The following ARMH3 variants were observed in gnomAD, a reference collection of about 807,000 sequenced individuals.
The protein encoded by ARMH3 is armadillo-like helical domain-containing protein 3.
Under a neutral mutation model 99.1 loss-of-function variants are expected in ARMH3, and 60 were observed. The observed-to-expected ratio is 0.61, with a 90% CI of 0.49 to 0.75. The LOEUF is 0.75. Ranked by LOEUF, ARMH3 falls within the 30% of genes least tolerant of loss-of-function variation. ARMH3 has a pLI of 0.00. For synonymous variants in ARMH3, 285 were observed against 292.8 expected (o/e 0.97, Z 0.27); for missense variants, 679 against 843.1 (o/e 0.81, Z 2.41).
At chr10:101,891,654 G>A (rs1000590088) in intron 23 of ARMH3, among the ~76,000 whole-genome samples, 18 of 152,138 alleles carry the variant, frequency 1.2e-4, no homozygotes, top group African/African-American at 3.1e-4. Flanking sequence ...ATTAAAATAC[G>A]GAATTTAGTT....
chr10:101,900,222 G>A (rs1035843841), intron 23 of ARMH3, among the ~76,000 whole-genome samples: 1 of 152,100 alleles, frequency 6.6e-6, no homozygotes, highest in East Asian at 1.9e-4. Flanking sequence ...CAGAGTTCCT[G>A]GGGCTACAGA....
At chr10:102,034,869 T>C (rs951166585) in intron 2 of ARMH3, among the ~76,000 whole-genome samples, 3 of 149,782 alleles carry the variant, frequency 2.0e-5, no homozygotes, top group South Asian at 4.2e-4. Flanking sequence ...GATCATGCCA[T>C]TGCACTCCAC....
At chr10:102,039,959 T>G (rs924785552) in intron 2 of ARMH3, 54 bp downstream of exon 2, 1 of 1,498,792 alleles carries the variant, frequency 6.7e-7, no homozygotes, top group Non-Finnish European at 9.3e-7. Context: ...ATTTCTCATC[T>G]TGGACTAAGA....
At chr10:101,938,574 C>T (rs1006641384) in intron 23 of ARMH3, among the ~76,000 whole-genome samples, 28 of 152,208 alleles carry the variant, frequency 1.8e-4, no homozygotes, top group African/African-American at 6.8e-4. Flanking sequence ...ATAAATTATA[C>T]CCATATGCAC....
intron 1 of ARMH3, among the ~76,000 whole-genome samples, chr10:102,041,269 C>G (rs1391216681): frequency 6.6e-6 from 1 of 151,242 alleles, no homozygotes; most frequent in African/African-American, 2.4e-5. Flanking sequence ...GTCTTTACTG[C>G]GAATTTACAC....
chr10:101,925,097 G>A (rs1843458543), intron 23 of ARMH3, among the ~76,000 whole-genome samples: 1 of 152,206 alleles, frequency 6.6e-6, no homozygotes, highest in Non-Finnish European at 1.5e-5. Flanking sequence ...TAGGACGGGA[G>A]AGAACTAGCT....
At chr10:102,009,768 A>C (rs975586663) in intron 12 of ARMH3, among the ~76,000 whole-genome samples, 2 of 152,204 alleles carry the variant, frequency 1.3e-5, no homozygotes, top group African/African-American at 4.8e-5. Context: ...GTCTGGCAAC[A>C]GTTGTTCAGC....
intron 23 of ARMH3, among the ~76,000 whole-genome samples, chr10:101,903,328 G>A (rs2068024297): frequency 6.6e-6 from 1 of 152,172 alleles, no homozygotes; most frequent in African/African-American, 2.4e-5. Context: ...TACCTATCAT[G>A]TGCAGGCACT....
intron 23 of ARMH3, among the ~76,000 whole-genome samples, chr10:101,935,681 C>T (rs1263809240): frequency 6.6e-6 from 1 of 152,204 alleles, no homozygotes; most frequent in Non-Finnish European, 1.5e-5. Flanking sequence ...ACTTCACATG[C>T]AACCCAAGCC....
intron 24 of ARMH3, among the ~76,000 whole-genome samples, chr10:101,866,107 G>C (rs2066995633): frequency 6.6e-6 from 1 of 151,910 alleles, no homozygotes; most frequent in Non-Finnish European, 1.5e-5. Flanking sequence ...TGTAATCTCA[G>C]CTACTTGGGA....
At chr10:101,875,396 T>C (rs1282573617) in intron 24 of ARMH3, among the ~76,000 whole-genome samples, 3 of 152,206 alleles carry the variant, frequency 2.0e-5, no homozygotes, top group Non-Finnish European at 2.9e-5. Context: ...AATATAATTA[T>C]TTGGAAACAA....
At chr10:101,939,503 T>A (rs1037768317) in intron 23 of ARMH3, among the ~76,000 whole-genome samples, 1 of 152,186 alleles carries the variant, frequency 6.6e-6, no homozygotes, top group Non-Finnish European at 1.5e-5. Context: ...GTCAACATTC[T>A]AGATCTCCAT....
At chr10:101,956,574 A>T (rs375360848) in intron 22 of ARMH3, 23 bp downstream of exon 22, 6 of 1,610,920 alleles carry the variant, frequency 3.7e-6, no homozygotes, top group Non-Finnish European at 3.4e-6. Context: ...TGGAGAGAGG[A>T]GTAAAAAGAA....
At chr10:101,945,606 T>C (rs912370494) in intron 22 of ARMH3, among the ~76,000 whole-genome samples, 1 of 151,688 alleles carries the variant, frequency 6.6e-6, no homozygotes, top group African/African-American at 2.4e-5. Context: ...TAATCCCAGC[T>C]ACTCCAGAGG....
chr10:101,891,708 G>A (rs529098807), intron 23 of ARMH3, among the ~76,000 whole-genome samples: 1 of 152,336 alleles, frequency 6.6e-6, no homozygotes, highest in South Asian at 2.1e-4. Flanking sequence ...GTACCTTGGT[G>A]ACATAAAATG....
chr10:102,022,490 T>C (rs2066908334), intron 8 of ARMH3, among the ~76,000 whole-genome samples: 1 of 122,882 alleles, frequency 8.1e-6, no homozygotes, highest in Non-Finnish European at 1.7e-5. Context: ...AGACTCTGAC[T>C]TAAAAAAAAA....
chr10:102,025,613 G>C (rs1457498131), intron 5 of ARMH3, among the ~76,000 whole-genome samples: 1 of 152,028 alleles, frequency 6.6e-6, no homozygotes, highest in Non-Finnish European at 1.5e-5. Context: ...AAACCTAATG[G>C]TTAAATAATT....
At chr10:102,053,311 C>T (rs2067755137) in intron 1 of ARMH3, among the ~76,000 whole-genome samples, 1 of 151,642 alleles carries the variant, frequency 6.6e-6, no homozygotes, top group African/African-American at 2.4e-5. Flanking sequence ...ACCACACATC[C>T]TGTTTGGGAC....
At chr10:102,032,879 A>T (rs1398451386) in intron 4 of ARMH3, 147 bp downstream of exon 4, 1 of 839,362 alleles carries the variant, frequency 1.2e-6, no homozygotes, top group Non-Finnish European at 1.8e-6. Flanking sequence ...ATGGCTAAAC[A>T]AACGTGGCAT....
Sources: allele counts gnomAD v4.1 joint callset (sites outside exome capture counted in the v4.1 genomes callset), GRCh38; gene constraint gnomAD v4.1.1; transcripts MANE v1.5; gene names NCBI Gene and HGNC (gene_info 2026-07-23, HGNC 2026-07-21).